Variants in SLCO5A1 observed in about 807,000 individuals in gnomAD.
SLCO5A1 encodes organic anion transporter polypeptide-related protein 4.
In SLCO5A1, 39 loss-of-function variants were observed where a neutral mutation model predicts 65.1. The ratio of observed to expected loss-of-function variants is 0.60; its 90% CI spans 0.46 to 0.78. The LOEUF is 0.78. Ranked by LOEUF, SLCO5A1 falls within the 30% of genes least tolerant of loss-of-function variation. SLCO5A1 has a pLI of 0.00. For synonymous variants in SLCO5A1, 438 were observed against 415.7 expected, an observed-to-expected ratio of 1.05 and a Z score of -0.65; for missense variants, 1,029 against 1,069.4, an observed-to-expected ratio of 0.96 and a Z score of 0.53.
At position 69,748,978 on chromosome 8, in the gene SLCO5A1, T is replaced by A. The variant is rs1586754649; in HGVS notation, c.1258+6446A>T. The stretch of plus-strand genomic sequence containing the variant: ...CCATCCTATGGCAAGTATGGGGAAT[T>A]CAAGCAGCAGCTTTCAATAAAACTG... On this transcript the variant is annotated intron_variant, in intron 4 of 9. Transcript: ENST00000260126. Among the ~76,000 whole-genome samples the A allele has an allele frequency of 1.3e-5, 2 of 152,280 alleles. 1 individual carries two copies. The highest frequency in any genetic ancestry group is 1.3e-4 in the Admixed American group (2 of 15,288).
At chr8:69,801,609 AT>A (rs1819740678) in intron 2 of SLCO5A1, among the ~76,000 whole-genome samples, 1 of 152,046 alleles carries the variant, frequency 6.6e-6, no homozygotes, top group African/African-American at 2.4e-5. Context: ...TCTCTGACAG[AT>A]TTTATTTTAA....
chr8:69,783,510 A>G (rs1334547704), intron 2 of SLCO5A1, among the ~76,000 whole-genome samples: 1 of 151,848 alleles, frequency 6.6e-6, no homozygotes, highest in African/African-American at 2.4e-5. Flanking sequence ...TTTTAATTTT[A>G]AATTTTAATT....
chr8:69,778,786 A>T (rs971777891), intron 2 of SLCO5A1, among the ~76,000 whole-genome samples: 1 of 152,174 alleles, frequency 6.6e-6, no homozygotes, highest in Non-Finnish European at 1.5e-5. Flanking sequence ...TCTTATGTCT[A>T]TAGCATTTCT....
chr8:69,765,619 G>A (rs192720041), intron 2 of SLCO5A1, among the ~76,000 whole-genome samples: 7 of 152,196 alleles, frequency 4.6e-5, no homozygotes, highest in Non-Finnish European at 8.8e-5. Context: ...TCTTCCAGTC[G>A]AAAACTCTCA....
intron 4 of SLCO5A1, among the ~76,000 whole-genome samples, chr8:69,740,559 C>A (rs1816751247): frequency 6.6e-6 from 1 of 152,174 alleles, no homozygotes; most frequent in Non-Finnish European, 1.5e-5. Flanking sequence ...CCTTCTCCGT[C>A]TGCTCACAAG....
chr8:69,801,428 A>C (rs1468874923), intron 2 of SLCO5A1, among the ~76,000 whole-genome samples: 1 of 152,240 alleles, frequency 6.6e-6, no homozygotes, highest in Admixed American at 6.5e-5. Context: ...AGAAAAAGAT[A>C]GGTTTCACCT....
In SLCO5A1 at chr8:69,832,011, G is replaced by C. The variant is rs1250311715; in HGVS notation, c.663C>G (p.Pro221=). ...LFALPHFISP[P]YQIQELNASA... The stretch of plus-strand genomic sequence containing the variant: ...AGGCGTTCAACTCTTGGATCTGGTA[G>C]GGGGGCGAGATGAAGTGAGGTAAGG... Residue 221 remains proline, a synonymous_variant, in exon 2 of 10, where the codon CCC becomes CCG. Transcript: ENST00000260126. The surrounding 1 kb of genome is among the most constrained non-coding windows in gnomAD (Gnocchi z 4.5). The C allele has an allele frequency of 1.2e-6, 2 of 1,601,430 alleles. No individual in the cohort carries two copies. Among genetic ancestry groups the C allele is most frequent in the East Asian group, 4.5e-5 (2 of 44,814 alleles).
chr8:69,733,674 G>A (rs571045303), intron 5 of SLCO5A1, among the ~76,000 whole-genome samples: 6 of 152,288 alleles, frequency 3.9e-5, no homozygotes, highest in Admixed American at 2.0e-4. Flanking sequence ...GAGTTCTCAC[G>A]AGACGTGATG....
intron 4 of SLCO5A1, 113 bp downstream of exon 4, chr8:69,755,311 C>G: frequency 1.3e-6 from 1 of 776,612 alleles, no homozygotes; most frequent in South Asian, 2.4e-5. Context: ...TACTCTCAAT[C>G]TTAGTACTTA....
intron 7 of SLCO5A1, 93 bp from the exon 8 acceptor site, chr8:69,679,712 A>T: frequency 6.7e-7 from 1 of 1,499,670 alleles, no homozygotes; most frequent in Non-Finnish European, 9.0e-7. Flanking sequence ...AGTACTCTAA[A>T]ATAGCTCAAA....
chr8:69,688,195 A>G (rs1213628958), intron 6 of SLCO5A1, among the ~76,000 whole-genome samples: 1 of 152,182 alleles, frequency 6.6e-6, no homozygotes, highest in Non-Finnish European at 1.5e-5. Flanking sequence ...CTCTAAGACT[A>G]TAAATAGAAG....
At chr8:69,825,861 A>C (rs979085398) in intron 2 of SLCO5A1, among the ~76,000 whole-genome samples, 2 of 152,138 alleles carry the variant, frequency 1.3e-5, no homozygotes, top group African/African-American at 4.8e-5. Flanking sequence ...GAGGCATCAC[A>C]CTACCTGACT....
At chr8:69,798,390 G>A (rs1191379208) in intron 2 of SLCO5A1, among the ~76,000 whole-genome samples, 2 of 152,200 alleles carry the variant, frequency 1.3e-5, no homozygotes, top group African/African-American at 4.8e-5. Context: ...GCCTGTAGAG[G>A]AAGTATGAAG....
chr8:69,831,927 C>T lies in SLCO5A1; in HGVS notation c.747G>A (p.Pro249=), dbSNP rs1223972090. The T allele has an allele frequency of 1.2e-6, 2 of 1,602,256 alleles. No individual in the cohort carries two copies. The highest frequency in any genetic ancestry group is 1.7e-5 in the Admixed American group (1 of 57,212). Residue 249 remains proline, a synonymous_variant, in exon 2 of 10, where the codon CCG becomes CCA. Transcript: ENST00000260126. ...GGNSTATLEP[P]ACPKDSGGNN... ...TTCCTCCCGAGTCCTTCGGACAGGC[C>T]GGAGGCTCCAAAGTGGCGGTGGAGT...
Position 69,831,955 on chromosome 8 carries a change from C to T in SLCO5A1, c.719G>A (p.Gly240Asp). The change falls in exon 2 of 10, where the codon GGC becomes GAC. Residue 240 changes from glycine (G) to aspartate (D), a missense_variant. Physicochemically the swap from Gly to Asp is moderately conservative, Grantham distance 94 (BLOSUM62 -1). Transcript: ENST00000260126. ...AGGCTCCAAAGTGGCGGTGGAGTTGCCACCCTGACACAGGCCGTCGTTGGG... is the reference window on the plus strand; with the variant it reads ...AGGCTCCAAAGTGGCGGTGGAGTTGTCACCCTGACACAGGCCGTCGTTGGG... ...SAPNDGLCQG[G>D]NSTATLEPPA... 6.3e-7 allele frequency: 1 copy of T among 1,593,652 alleles called. No individual in the cohort carries two copies. The highest frequency in any genetic ancestry group is 8.5e-7 in the Non-Finnish European group (1 of 1,171,218).
rs1191414663 is a variant in SLCO5A1, at chr8:69,832,406, C to G, written c.268G>C (p.Ala90Pro). 6.2e-7 allele frequency: 1 copy of G among 1,612,036 alleles called. No homozygotes were observed. The highest frequency in any genetic ancestry group is 1.1e-5 in the South Asian group (1 of 90,900). Residue 90 changes from alanine to proline, a missense_variant, in exon 2 of 10, where the codon GCG becomes CCG. By Grantham distance (27) the Ala-to-Pro change is conservative. Transcript: ENST00000260126. This position sits in a 1 kb window ranked among gnomAD's most constrained non-coding sequence, Gnocchi z 4.5. ...APSPSAPSTS[A>P]GLGDCNHRVD... is the part of the protein sequence containing the mutation. ...CTGTGGTTACAGTCCCCGAGCCCCGCCGAAGTGGACGGGGCAGAGGGACTG... is the reference window on the plus strand; with the variant it reads ...CTGTGGTTACAGTCCCCGAGCCCCGGCGAAGTGGACGGGGCAGAGGGACTG...
chr8:69,820,199 G>A (rs1820576058), intron 2 of SLCO5A1, among the ~76,000 whole-genome samples: 1 of 152,178 alleles, frequency 6.6e-6, no homozygotes, highest in Admixed American at 6.5e-5. Flanking sequence ...GAGGAAACAG[G>A]TACTGCCTCC....
At chr8:69,681,437 T>C (rs67111435) in intron 7 of SLCO5A1, among the ~76,000 whole-genome samples, 6,095 of 151,992 alleles carry the variant, frequency 0.04, 240 homozygotes, top group African/African-American at 0.098. Context: ...CTACTAAAAA[T>C]ACAAAATTAG....
At chr8:69,697,065 G>A (rs1023246362) in intron 6 of SLCO5A1, among the ~76,000 whole-genome samples, 2 of 152,034 alleles carry the variant, frequency 1.3e-5, no homozygotes, top group Non-Finnish European at 2.9e-5. Flanking sequence ...AGGGAAAAGA[G>A]AAAATGAGTT....
Sources: allele counts gnomAD v4.1 joint callset (sites outside exome capture counted in the v4.1 genomes callset), GRCh38; gene constraint gnomAD v4.1.1; non-coding constraint Gnocchi (gnomAD v3.1); transcripts MANE v1.5; gene names NCBI Gene and HGNC (gene_info 2026-07-23, HGNC 2026-07-21).